Variants in TTC28 observed in about 807,000 individuals in gnomAD.
TTC28 encodes tetratricopeptide repeat domain 28, also known as tetratricopeptide repeat protein 28.
Under a neutral mutation model 198.0 loss-of-function variants are expected in TTC28, and 61 were observed. The ratio of observed to expected loss-of-function variants is 0.31; its 90% CI spans 0.25 to 0.38. The LOEUF is 0.38. Ranked by LOEUF, TTC28 falls within the 10% of genes least tolerant of loss-of-function variation. TTC28 has a pLI of 1.00. For missense variants in TTC28, 2,678 were observed against 3,164.0 expected (o/e 0.85, Z 3.69); for synonymous variants, 1,171 against 1,297.8 (o/e 0.90, Z 2.10).
intron 2 of TTC28, among the ~76,000 whole-genome samples, chr22:28,499,603 TATAG>T (rs1270108089): frequency 6.6e-6 from 1 of 152,152 alleles, no homozygotes; most frequent in African/African-American, 2.4e-5. Context: ...AAGTATATCA[TATAG>T]AGAGATTACT....
At chr22:28,475,222 T>C (rs1028889359) in intron 2 of TTC28, among the ~76,000 whole-genome samples, 7 of 151,016 alleles carry the variant, frequency 4.6e-5, no homozygotes, top group African/African-American at 1.7e-4. Context: ...AAGATAATTA[T>C]TTAGCTGTTT....
At chr22:28,087,192 G>C (rs1198770686) in intron 12 of TTC28, among the ~76,000 whole-genome samples, 1 of 151,952 alleles carries the variant, frequency 6.6e-6, no homozygotes. Flanking sequence ...ACCAAAGCCG[G>C]GCAGAGACAA....
At chr22:28,286,753 C>A (rs1230716612) in intron 5 of TTC28, among the ~76,000 whole-genome samples, 1 of 151,722 alleles carries the variant, frequency 6.6e-6, no homozygotes, top group African/African-American at 2.4e-5. Flanking sequence ...GGAAGGGAAC[C>A]AGGGAAAAAT....
At chr22:28,522,932 A>G (rs2048936491) in intron 2 of TTC28, among the ~76,000 whole-genome samples, 1 of 152,090 alleles carries the variant, frequency 6.6e-6, no homozygotes, top group Admixed American at 6.5e-5. Context: ...TTCTTTTTGG[A>G]ATGATAAAAA....
intron 9 of TTC28, among the ~76,000 whole-genome samples, chr22:28,099,299 G>A (rs941935957): frequency 2.0e-5 from 3 of 152,194 alleles, no homozygotes; most frequent in East Asian, 1.9e-4. Flanking sequence ...ATCATGTAAC[G>A]ACACCATGTG....
At chr22:28,057,228 T>C (rs1164429829) in intron 12 of TTC28, among the ~76,000 whole-genome samples, 1 of 152,220 alleles carries the variant, frequency 6.6e-6, no homozygotes, top group East Asian at 1.9e-4. Context: ...TCCAGAGTTA[T>C]TACATATTCA....
chr22:28,121,156 GT>G (rs1942776851), intron 6 of TTC28, among the ~76,000 whole-genome samples: 1 of 152,194 alleles, frequency 6.6e-6, no homozygotes, highest in Admixed American at 6.5e-5. Flanking sequence ...ATTTAAACAT[GT>G]TTTCCTAGAA....
At chr22:28,551,265 A>G (rs1313361662) in intron 2 of TTC28, among the ~76,000 whole-genome samples, 1 of 152,136 alleles carries the variant, frequency 6.6e-6, no homozygotes, top group East Asian at 1.9e-4. Flanking sequence ...AAAGTCCAGC[A>G]CCAGGCAGAT....
intron 1 of TTC28, among the ~76,000 whole-genome samples, chr22:28,635,874 G>A (rs1397319740): frequency 4.6e-5 from 7 of 151,914 alleles, no homozygotes; most frequent in Non-Finnish European, 8.8e-5. Flanking sequence ...ATTAACTACA[G>A]TCACCATGCT....
chr22:28,024,065 A>G (rs927898526), intron 13 of TTC28, among the ~76,000 whole-genome samples: 2 of 151,304 alleles, frequency 1.3e-5, no homozygotes, highest in Non-Finnish European at 2.9e-5. Context: ...GCCTGTACCT[A>G]CTTAACACAC....
intron 6 of TTC28, among the ~76,000 whole-genome samples, chr22:28,147,086 C>G (rs1455280106): frequency 1.3e-5 from 2 of 152,192 alleles, no homozygotes; most frequent in African/African-American, 4.8e-5. Context: ...AAGTTGAGAA[C>G]AGGCTTAGTC....
At chr22:28,131,738 T>C (rs1205326509) in intron 6 of TTC28, among the ~76,000 whole-genome samples, 2 of 152,158 alleles carry the variant, frequency 1.3e-5, no homozygotes, top group African/African-American at 4.8e-5. Context: ...ATCTGTAAAA[T>C]GGTGGTAATA....
chr22:28,251,362 T>A, intron 5 of TTC28, among the ~76,000 whole-genome samples: 1 of 152,214 alleles, frequency 6.6e-6, no homozygotes, highest in Non-Finnish European at 1.5e-5. Flanking sequence ...GCTATTTATT[T>A]ATTATCTATG....
chr22:28,132,417 C>T (rs1291578691), intron 6 of TTC28, among the ~76,000 whole-genome samples: 1 of 152,216 alleles, frequency 6.6e-6, no homozygotes, highest in Non-Finnish European at 1.5e-5. Flanking sequence ...CAGCAATATA[C>T]TAAGCCAGGA....
At chr22:28,016,857 T>C (rs1159887199) in intron 13 of TTC28, among the ~76,000 whole-genome samples, 2 of 152,176 alleles carry the variant, frequency 1.3e-5, no homozygotes, top group Non-Finnish European at 2.9e-5. Context: ...ACCCGGCCCA[T>C]CTGACCCCTC....
chr22:28,388,877 T>A (rs1334348388), intron 2 of TTC28, among the ~76,000 whole-genome samples: 1 of 152,190 alleles, frequency 6.6e-6, no homozygotes, highest in African/African-American at 2.4e-5. Flanking sequence ...TCCAACACTA[T>A]GTTGACTAGG....
chr22:28,569,469 T>C (rs1020421948), intron 2 of TTC28, among the ~76,000 whole-genome samples: 1 of 152,112 alleles, frequency 6.6e-6, no homozygotes, highest in Admixed American at 6.5e-5. Flanking sequence ...GGACTCCCTA[T>C]TCAATAAATG....
chr22:28,307,706 T>C (rs2045173198), intron 2 of TTC28, among the ~76,000 whole-genome samples: 1 of 152,202 alleles, frequency 6.6e-6, no homozygotes, highest in African/African-American at 2.4e-5. Context: ...AACATATTCA[T>C]TGCTTATATG....
intron 2 of TTC28, among the ~76,000 whole-genome samples, chr22:28,570,353 A>G (rs1039507704): frequency 3.8e-4 from 58 of 152,242 alleles, no homozygotes; most frequent in African/African-American, 1.3e-3. Flanking sequence ...TAAATTCCAT[A>G]CACCATGGTA....
Sources: gnomAD v4.1 joint callset for allele counts (sites outside exome capture counted in the v4.1 genomes callset) on GRCh38, gnomAD v4.1.1 for gene constraint, MANE v1.5 for transcripts, NCBI Gene and HGNC (gene_info 2026-07-23, HGNC 2026-07-21) for gene names.